The following APBB3 variants were observed in gnomAD, a reference collection of about 807,000 sequenced individuals.
The protein encoded by APBB3 is amyloid beta precursor protein binding family B member 3.
APBB3 carries 50 observed loss-of-function variants against 61.5 expected under a neutral mutation model. That is an observed-to-expected ratio of 0.81 (90% CI 0.65 to 1.03). The LOEUF (loss-of-function observed/expected upper bound fraction) is 1.03. APBB3 is among the 50% of genes least tolerant of loss of function. The pLI, the probability that APBB3 is intolerant of heterozygous loss-of-function variation, is 0.00. For missense variants in APBB3, 550 were observed against 637.4 expected, an observed-to-expected ratio of 0.86 and a Z score of 1.48; for synonymous variants, 235 against 233.0, an observed-to-expected ratio of 1.01 and a Z score of -0.08.
In APBB3 at chr5:140,564,044, T is replaced by G; in HGVS notation, c.50-129A>C. On this transcript the variant is annotated intron_variant, in intron 1 of 12. Transcript: ENST00000357560. The surrounding 1 kb of genome is among the most constrained non-coding windows in gnomAD (Gnocchi z 5.0). ...GGCTGAAGATCCAGGCTCCTCAATC[T>G]TGAAGACATCACATGTAAAGACCGG... The G allele has an allele frequency of 6.8e-7, 1 of 1,466,650 alleles. No homozygotes were observed. Among genetic ancestry groups the G allele is most frequent in the Non-Finnish European group, 9.2e-7 (1 of 1,081,166 alleles). 90.9% of individuals were successfully genotyped at this position (1,466,650 alleles called of 1,614,324 possible). A position where few individuals can be genotyped will look rare whatever the true frequency, so the allele number is the denominator to read the frequency against.
chr5:140,558,860 G>A (rs1754824078), intron 12 of APBB3, 39 bp from the exon 13 acceptor site: 1 of 1,572,358 alleles, frequency 6.4e-7, no homozygotes, highest in African/African-American at 1.4e-5. Context: ...GCTACTTTCT[G>A]CCTCTAGACT....
In APBB3 at chr5:140,560,921, C is replaced by T; in HGVS notation, c.916+97G>A. On this transcript the variant is annotated intron_variant, in intron 10 of 12. Coordinates refer to ENST00000357560, the MANE Select transcript of APBB3 (RefSeq NM_133173.3). The surrounding 1 kb of genome is among the most constrained non-coding windows in gnomAD (Gnocchi z 5.1). ...TGGTAGACCCCAGGCCATAACAAGG[C>T]CACGGGAGGACTCTTGAGAAATGAT... 1 of 1,458,894 alleles carries T rather than the reference C, an allele frequency of 6.9e-7. No homozygotes were observed. The allele number at this position is 1,458,894 out of a possible 1,614,324, so 90.4% of individuals were successfully genotyped here.
chr5:140,558,831 A>G lies in APBB3; in HGVS notation c.1225-10T>C. 6.2e-7 allele frequency: 1 copy of G among 1,610,858 alleles called. No individual in the cohort carries two copies. Among genetic ancestry groups the G allele is most frequent in the South Asian group, 1.1e-5 (1 of 91,022 alleles). On this transcript the variant is annotated splice_polypyrimidine_tract_variant and intron_variant, in intron 12 of 12. Transcript: ENST00000357560. ...ACTTCTGGTACTGAACCTAGGGAGA[A>G]GGGGAATGTGAGGATCCAGCTACTT...
chr5:140,564,134 C>A lies in APBB3; in HGVS notation c.49+63G>T, dbSNP rs1755098899. ...CCACCGTCTTTGAGCCCCAGAGTAG[C>A]CTTTCGGATTCCCTCGTCCTCCCTC... On this transcript the variant is annotated intron_variant, in intron 1 of 12. Transcript: ENST00000357560. The surrounding 1 kb of genome is among the most constrained non-coding windows in gnomAD (Gnocchi z 5.0). The A allele has an allele frequency of 1.9e-6, 3 of 1,608,672 alleles. No individual in the cohort carries two copies. Among genetic ancestry groups the A allele is most frequent in the Non-Finnish European group, 1.7e-6 (2 of 1,176,206 alleles).
At position 140,561,440 on chromosome 5, in the gene APBB3, C is replaced by G; in HGVS notation, c.757G>C (p.Glu253Gln). 1 of 1,614,198 alleles carries G rather than the reference C, an allele frequency of 6.2e-7. No homozygotes were observed. Among genetic ancestry groups the G allele is most frequent in the Non-Finnish European group, 8.5e-7 (1 of 1,180,046 alleles). The change falls in exon 9 of 13, where the codon GAG becomes CAG. Residue 253 changes from glutamate to glutamine, a missense_variant. Transcript: ENST00000357560. ...GCATCACCACTGACCTCTACTCGCTCTGACAAGATCTAAAACACAATGAAG... is the reference window on the plus strand; with the variant it reads ...GCATCACCACTGACCTCTACTCGCTGTGACAAGATCTAAAACACAATGAAG... Reference protein sequence around the residue: ...LHGLCAQILSERVEVSGDASC... With the variant: ...LHGLCAQILSQRVEVSGDASC...
In APBB3 at chr5:140,561,570, C is replaced by T. The variant is rs921064763; in HGVS notation, c.747+17G>A. 13 of 1,613,964 alleles carry T rather than the reference C, an allele frequency of 8.1e-6. No individual in the cohort carries two copies. In the African/African-American group the frequency reaches 1.1e-4, roughly 13 times the overall value. ...CAACCCCTTACCCACATTCCCTGCC[C>T]CACCCCTGACACTTACCTGGGCACA... On this transcript the variant is annotated intron_variant, in intron 8 of 12. Coordinates refer to ENST00000357560, the MANE Select transcript of APBB3 (RefSeq NM_133173.3).
chr5:140,563,641 G>A lies in APBB3; in HGVS notation c.243C>T (p.Pro81=), dbSNP rs993479360. 2 of 1,614,188 alleles carry A rather than the reference G, an allele frequency of 1.2e-6. No homozygotes were observed. Among genetic ancestry groups the A allele is most frequent in the East Asian group, 2.2e-5 (1 of 44,880 alleles). ...TGTEGIWGLR[P]PKGRSFSSLE... The stretch of plus-strand genomic sequence containing the variant: ...GGCTGGAGAAGGATCTCCCTTTGGG[G>A]GGCCGCAGTCCCCAGATCCCCTCCG... Residue 81 remains proline, a synonymous_variant, in exon 3 of 13, where the codon CCC becomes CCT. Coordinates refer to ENST00000357560, the MANE Select transcript of APBB3 (RefSeq NM_133173.3).
intron 7 of APBB3, 30 bp from the exon 8 acceptor site, chr5:140,561,731 G>A: frequency 6.2e-7 from 1 of 1,614,120 alleles, no homozygotes; most frequent in Non-Finnish European, 8.5e-7. Flanking sequence ...GGCTGGGGTA[G>A]AAGCTGGTTA....
chr5:140,560,682 A>G lies in APBB3; in HGVS notation c.989T>C (p.Met330Thr). 6.2e-7 allele frequency: 1 copy of G among 1,614,182 alleles called. No individual in the cohort carries two copies. Among genetic ancestry groups the G allele is most frequent in the South Asian group, 1.1e-5 (1 of 91,090 alleles). ...CATGAGAGAGTCAGACACACTGAGCATGGTGGGGACCCAGGCATTCCGGTC... is the reference window on the plus strand; with the variant it reads ...CATGAGAGAGTCAGACACACTGAGCGTGGTGGGGACCCAGGCATTCCGGTC... ...RGDRNAWVPTMLSVSDSLMTA... is the reference protein window; with the variant it reads ...RGDRNAWVPTTLSVSDSLMTA... The change falls in exon 11 of 13, where the codon ATG becomes ACG. Residue 330 changes from methionine (M) to threonine (T), a missense_variant. Around this residue, in one of 3 missense-constraint regions of APBB3, gnomAD observed 405 missense variants for 483.4 expected, o/e 0.84. Coordinates refer to ENST00000357560, the MANE Select transcript of APBB3 (RefSeq NM_133173.3). This position sits in a 1 kb window ranked among gnomAD's most constrained non-coding sequence, Gnocchi z 5.1.
intron 9 of APBB3, 88 bp downstream of exon 9, chr5:140,561,277 C>A: frequency 6.5e-7 from 1 of 1,531,582 alleles, no homozygotes; most frequent in Non-Finnish European, 9.0e-7. Context: ...AATTTATCCA[C>A]AGAAGTATTA....
Position 140,558,751 on chromosome 5 carries a change from C to T in APBB3, c.1295G>A (p.Arg432His), listed in dbSNP as rs138766975. ...GKAWGAQARARLRLKRTSSMD... is the reference protein window; with the variant it reads ...GKAWGAQARAHLRLKRTSSMD... ...GGAGCTGGTCCGCTTGAGCCGCAGG[C>T]GGGCACGGGCCTGGGCACCCCAGGC... The change falls in exon 13 of 13, where the codon CGC (arginine) becomes CAC (histidine). Residue 432 changes from arginine (R) to histidine (H), a missense_variant. By Grantham distance (29) the Arg-to-His change is conservative. Coordinates refer to ENST00000357560, the MANE Select transcript of APBB3 (RefSeq NM_133173.3). 44 of 1,605,916 alleles carry T rather than the reference C, an allele frequency of 2.7e-5. No individual in the cohort carries two copies. The highest frequency in any genetic ancestry group is 1.7e-4 in the Middle Eastern group (1 of 5,930).
In APBB3 at chr5:140,560,689, G is replaced by A; in HGVS notation, c.982C>T (p.Pro328Ser). 6.2e-7 allele frequency: 1 copy of A among 1,614,182 alleles called. No individual in the cohort carries two copies. Among genetic ancestry groups the A allele is most frequent in the Non-Finnish European group, 8.5e-7 (1 of 1,180,022 alleles). ...GAGTCAGACACACTGAGCATGGTGGGGACCCAGGCATTCCGGTCCCCCCTG... is the reference window on the plus strand; with the variant it reads ...GAGTCAGACACACTGAGCATGGTGGAGACCCAGGCATTCCGGTCCCCCCTG... ...TARGDRNAWV[P>S]TMLSVSDSLM... The change falls in exon 11 of 13, where the codon CCC becomes TCC. Residue 328 changes from proline (P) to serine (S), a missense_variant. Transcript: ENST00000357560. This position sits in a 1 kb window ranked among gnomAD's most constrained non-coding sequence, Gnocchi z 5.1.
rs1273974264 is a variant in APBB3 at position 140,563,886 on chromosome 5, C to T, written c.79G>A (p.Val27Met). The change falls in exon 2 of 13, where the codon GTG (valine) becomes ATG (methionine). Residue 27 changes from valine (V) to methionine (M), a missense_variant. Physicochemically the swap from Val to Met is conservative, Grantham distance 21. Transcript: ENST00000357560. ...DDLWGDHSLE[V>M]EAGLPPGWRK... ...CAGCCAGGAGGCAGGCCAGCCTCCACCTCCAGACTGTGGTCCCCCCACAAG... is the reference window on the plus strand; with the variant it reads ...CAGCCAGGAGGCAGGCCAGCCTCCATCTCCAGACTGTGGTCCCCCCACAAG... 3 of 1,613,960 alleles carry T rather than the reference C, an allele frequency of 1.9e-6. No homozygotes were observed. The African/African-American group carries it at 4.0e-5, about 22-fold the overall frequency.
chr5:140,563,116 G>A (rs142182400), intron 3 of APBB3, among the ~76,000 whole-genome samples: 1 of 152,350 alleles, frequency 6.6e-6, no homozygotes, highest in East Asian at 1.9e-4. Flanking sequence ...ATGGTGGCAT[G>A]TGCCTGTAGT....
chr5:140,558,949 G>C, intron 12 of APBB3, 128 bp from the exon 13 acceptor site: 1 of 807,106 alleles, frequency 1.2e-6, no homozygotes, highest in Non-Finnish European at 2.1e-6. Flanking sequence ...CACATGTGGA[G>C]TTTCTAGAGC....
chr5:140,563,067 A>G (rs533187717), intron 3 of APBB3, among the ~76,000 whole-genome samples: 4 of 152,214 alleles, frequency 2.6e-5, no homozygotes, highest in Non-Finnish European at 5.9e-5. Flanking sequence ...CAACATGGTG[A>G]AACCCCATAT....
chr5:140,562,249 C>A, intron 5 of APBB3, 22 bp from the exon 6 acceptor site: 1 of 1,613,752 alleles, frequency 6.2e-7, no homozygotes, highest in East Asian at 2.2e-5. Context: ...AGAGGTCAGC[C>A]CAGAGCTCAG....
Position 140,564,117 on chromosome 5 carries a change from T to A in APBB3, c.49+80A>T. 10 of 1,595,786 alleles carry A rather than the reference T, an allele frequency of 6.3e-6. No individual in the cohort carries two copies. Among genetic ancestry groups the A allele is most frequent in the Non-Finnish European group, 7.7e-6 (9 of 1,166,894 alleles). ...ACACAGAGAGGTATCCCCCACCGTCTTTGAGCCCCAGAGTAGCCTTTCGGA... is the reference window on the plus strand; with the variant it reads ...ACACAGAGAGGTATCCCCCACCGTCATTGAGCCCCAGAGTAGCCTTTCGGA... On this transcript the variant is annotated intron_variant, in intron 1 of 12. Transcript: ENST00000357560. The surrounding 1 kb of genome is among the most constrained non-coding windows in gnomAD (Gnocchi z 5.0).
Position 140,564,566 on chromosome 5 carries a change from T to G in APBB3, c.-321A>C. On this transcript the variant is annotated 5_prime_UTR_variant, in exon 1 of 13. It removes an upstream start codon present in the reference 5' UTR. Coordinates refer to ENST00000357560, the MANE Select transcript of APBB3 (RefSeq NM_133173.3). The surrounding 1 kb of genome is among the most constrained non-coding windows in gnomAD (Gnocchi z 5.0). ...ACACCACCGCCCAACTATGAACTCA[T>G]CAGGCGCCTGAAGACCGACACGCCG... 2.0e-6 allele frequency: 1 copy of G among 501,514 alleles called. No homozygotes were observed. The highest frequency in any genetic ancestry group is 3.5e-6 in the Non-Finnish European group (1 of 284,336). The allele number at this position is 501,514 out of a possible 1,614,324, so 31.1% of individuals were successfully genotyped here.
Sources: allele counts gnomAD v4.1 joint callset (sites outside exome capture counted in the v4.1 genomes callset), GRCh38; gene constraint gnomAD v4.1.1; regional missense constraint gnomAD v4.1.1; non-coding constraint Gnocchi (gnomAD v3.1); transcripts MANE v1.5; gene names NCBI Gene and HGNC (gene_info 2026-07-23, HGNC 2026-07-21).